The following DDX41 variants were observed in gnomAD, a reference collection of about 807,000 sequenced individuals.
The protein encoded by DDX41 is probable ATP-dependent RNA helicase DDX41.
A neutral mutation model predicts 78.8 loss-of-function variants in DDX41; 50 were observed. The ratio of observed to expected loss-of-function variants is 0.63; its 90% CI spans 0.51 to 0.80. The LOEUF is 0.80. DDX41 is among the 30% of genes least tolerant of loss of function. The pLI, the probability that DDX41 is intolerant of heterozygous loss-of-function variation, is 0.00. For missense variants in DDX41, 633 were observed against 849.2 expected, an observed-to-expected ratio of 0.75 and a Z score of 3.16; for synonymous variants, 381 against 321.5, an observed-to-expected ratio of 1.19 and a Z score of -1.98.
In DDX41 at chr5:177,516,720, C is replaced by T. The variant is rs187714514; in HGVS notation, c.138+5G>A. On this transcript the variant is annotated splice_donor_5th_base_variant and intron_variant, in intron 2 of 16. Coordinates refer to ENST00000330503, the MANE Select transcript of DDX41 (RefSeq NM_016222.4). Reference sequence around the variant, plus strand: ...CCCATCCCTCCCCGGACGCGTGCCCCTCACCAGTAGCTGCCGGCGCTGCCG... The same window carrying T: ...CCCATCCCTCCCCGGACGCGTGCCCTTCACCAGTAGCTGCCGGCGCTGCCG... 4.3e-5 allele frequency: 68 copies of T among 1,592,108 alleles called. No individual in the cohort carries two copies. In the African/African-American group the frequency reaches 7.4e-4, roughly 17 times the overall value.
intron 6 of DDX41, 71 bp downstream of exon 6, chr5:177,515,614 T>C: frequency 6.3e-7 from 1 of 1,575,728 alleles, no homozygotes; most frequent in Non-Finnish European, 8.7e-7. Flanking sequence ...CTGAGCTCAG[T>C]GGGAGCCAGG....
In DDX41 at chr5:177,513,496, G is replaced by T. The variant is rs200279634; in HGVS notation, c.1099-12C>A. 30 of 1,614,068 alleles carry T rather than the reference G, an allele frequency of 1.9e-5. No homozygotes were observed. The highest frequency in any genetic ancestry group is 3.3e-4 in the Middle Eastern group (2 of 6,060). ...GTCTGTCGCTGGCCCTGAGGAAGAGGGGGGCTGCGACCAAGGGCACACAGG... is the reference window on the plus strand; with the variant it reads ...GTCTGTCGCTGGCCCTGAGGAAGAGTGGGGCTGCGACCAAGGGCACACAGG... On this transcript the variant is annotated splice_polypyrimidine_tract_variant and intron_variant, in intron 10 of 16. Transcript: ENST00000330503. This position sits in a 1 kb window ranked among gnomAD's most constrained non-coding sequence, Gnocchi z 4.6.
At chr5:177,515,384 G>T in intron 6 of DDX41, 126 bp from the exon 7 acceptor site, 1 of 1,012,302 alleles carries the variant, frequency 9.9e-7, no homozygotes, top group Non-Finnish European at 1.5e-6. Context: ...GAGAGAGAGA[G>T]AGAGTGGAAA....
chr5:177,515,363 T>G, intron 6 of DDX41, 105 bp from the exon 7 acceptor site: 1 of 1,161,708 alleles, frequency 8.6e-7, no homozygotes, highest in Non-Finnish European at 1.3e-6. Flanking sequence ...ATGATGAAAC[T>G]GAGGCTCAGA....
chr5:177,515,113 G>T, intron 7 of DDX41, 44 bp from the exon 8 acceptor site: 1 of 1,612,284 alleles, frequency 6.2e-7, no homozygotes, highest in South Asian at 1.1e-5. Context: ...AACAGAAGAT[G>T]AAGGACACCT....
chr5:177,514,774 T>C lies in DDX41; in HGVS notation c.862A>G (p.Ser288Gly), dbSNP rs759290290. 2 of 1,612,944 alleles carry C rather than the reference T, an allele frequency of 1.2e-6. No homozygotes were observed. The highest frequency in any genetic ancestry group is 1.1e-5 in the South Asian group (1 of 91,090). ...AGGGCGCAGCGCAGGAGTGGTGAGCTGTCCTCCTGCAGCAGGCGGCAGTAG... is the reference window on the plus strand; with the variant it reads ...AGGGCGCAGCGCAGGAGTGGTGAGCCGTCCTCCTGCAGCAGGCGGCAGTAG... ...EYYCRLLQED[S>G]SPLLRCALCI... Residue 288 changes from serine to glycine, a missense_variant, in exon 9 of 17, where the codon AGC becomes GGC. Around this residue, in one of 6 missense-constraint regions of DDX41, gnomAD observed 151 missense variants for 169.2 expected, o/e 0.89. Transcript: ENST00000330503. The surrounding 1 kb of genome is among the most constrained non-coding windows in gnomAD (Gnocchi z 4.2).
At position 177,515,769 on chromosome 5, in the gene DDX41, C is replaced by T. The variant is rs773515517; in HGVS notation, c.487G>A (p.Val163Met). The T allele has an allele frequency of 2.0e-5, 32 of 1,614,080 alleles. No individual in the cohort carries two copies. The highest frequency in any genetic ancestry group is 8.9e-5 in the East Asian group (4 of 44,906). ...LSMSEERHER[V>M]RKKYHILVEG... is the part of the protein sequence containing the mutation. ...ACCAGGATGTGGTATTTCTTCCGCA[C>T]GCGCTCATGTCGCTCTTCAGACATG... The change falls in exon 6 of 17, where the codon GTG becomes ATG. Residue 163 changes from valine (V) to methionine (M), a missense_variant. Around this residue, in one of 6 missense-constraint regions of DDX41, gnomAD observed 126 missense variants for 115.5 expected, o/e 1.09. Transcript: ENST00000330503.
At chr5:177,515,902 G>C in intron 5 of DDX41, 27 bp downstream of exon 5, 3 of 1,614,168 alleles carry the variant, frequency 1.9e-6, no homozygotes, top group Non-Finnish European at 8.5e-7. Context: ...TCCTAAGCAA[G>C]GGCAACTGCA....
In DDX41 at chr5:177,513,075, T is replaced by G; in HGVS notation, c.1238A>C (p.Glu413Ala). ...CATCTTGGCCTCCTCCTTCACATAT[T>G]CTACCTCCTGCCACCACAAAGATCA... ...AASLDVIQEV[E>A]YVKEEAKMVY... is the part of the protein sequence containing the mutation. The change falls in exon 12 of 17, where the codon GAA (glutamate) becomes GCA (alanine). Residue 413 changes from glutamate (E) to alanine (A), a missense_variant. Coordinates refer to ENST00000330503, the MANE Select transcript of DDX41 (RefSeq NM_016222.4). The surrounding 1 kb of genome is among the most constrained non-coding windows in gnomAD (Gnocchi z 4.6). 6.2e-7 allele frequency: 1 copy of G among 1,613,734 alleles called. No individual in the cohort carries two copies. The highest frequency in any genetic ancestry group is 1.3e-5 in the African/African-American group (1 of 75,026).
intron 6 of DDX41, 107 bp downstream of exon 6, chr5:177,515,578 A>C: frequency 7.2e-7 from 1 of 1,383,180 alleles, no homozygotes; most frequent in Non-Finnish European, 1.0e-6. Context: ...CTCCAGCCCC[A>C]GTGACTGGAT....
Position 177,516,112 on chromosome 5 carries a change from A to G in DDX41, c.373+7T>C. 6.2e-7 allele frequency: 1 copy of G among 1,613,964 alleles called. No homozygotes were observed. The highest frequency in any genetic ancestry group is 8.5e-7 in the Non-Finnish European group (1 of 1,180,012). On this transcript the variant is annotated splice_region_variant and intron_variant, in intron 4 of 16. Transcript: ENST00000330503. ...CCACCTTCTCACTATCCTGGCTACAACCATACCTCGGCCCTCGGCAACACT... is the reference window on the plus strand; with the variant it reads ...CCACCTTCTCACTATCCTGGCTACAGCCATACCTCGGCCCTCGGCAACACT...
intron 2 of DDX41, 108 bp from the exon 3 acceptor site, chr5:177,516,555 C>G: frequency 6.8e-7 from 1 of 1,461,300 alleles, no homozygotes; most frequent in East Asian, 2.4e-5. Context: ...CGCAAAGCTG[C>G]CCTACCCCTC....
chr5:177,514,912 T>C lies in DDX41; in HGVS notation c.798+4A>G, dbSNP rs1761151769. ...GGCCTGCCCTCCAGGCCAGCCTATCTTACCGAGGGGCAGATGATGAGTCCA... is the reference window on the plus strand; with the variant it reads ...GGCCTGCCCTCCAGGCCAGCCTATCCTACCGAGGGGCAGATGATGAGTCCA... On this transcript the variant is annotated splice_donor_region_variant and intron_variant, in intron 8 of 16. Coordinates refer to ENST00000330503, the MANE Select transcript of DDX41 (RefSeq NM_016222.4). The surrounding 1 kb of genome is among the most constrained non-coding windows in gnomAD (Gnocchi z 4.2). 6.2e-7 allele frequency: 1 copy of C among 1,603,436 alleles called. No homozygotes were observed.
chr5:177,515,839 G>A lies in DDX41; in HGVS notation c.435-18C>T. 1.2e-6 allele frequency: 2 copies of A among 1,614,142 alleles called. No individual in the cohort carries two copies. The highest frequency in any genetic ancestry group is 1.7e-6 in the Non-Finnish European group (2 of 1,180,018). On this transcript the variant is annotated intron_variant, in intron 5 of 16. Coordinates refer to ENST00000330503, the MANE Select transcript of DDX41 (RefSeq NM_016222.4). ...GAGTCCAGCTGTGGATGGGTAACAG[G>A]GATCAAGAGAGCCCTGGGAATAGCT...
At position 177,513,169 on chromosome 5, in the gene DDX41, G is replaced by A; in HGVS notation, c.1231-87C>T. 3 of 1,532,498 alleles carry A rather than the reference G, an allele frequency of 2.0e-6. No individual in the cohort carries two copies. The highest frequency in any genetic ancestry group is 2.7e-6 in the Non-Finnish European group (3 of 1,121,924). 94.9% of individuals were successfully genotyped at this position (1,532,498 alleles called of 1,614,324 possible). A position where few individuals can be genotyped will look rare whatever the true frequency, so the allele number is the denominator to read the frequency against. ...CATGGCCCGTCATCTGGACCAGGAGGTGACCAGAAGCCTCTGGCCGCCAAG... is the reference window on the plus strand; with the variant it reads ...CATGGCCCGTCATCTGGACCAGGAGATGACCAGAAGCCTCTGGCCGCCAAG... On this transcript the variant is annotated intron_variant, in intron 11 of 16. Coordinates refer to ENST00000330503, the MANE Select transcript of DDX41 (RefSeq NM_016222.4). The surrounding 1 kb of genome is among the most constrained non-coding windows in gnomAD (Gnocchi z 4.6).
intron 14 of DDX41, 35 bp downstream of exon 14, chr5:177,512,461 G>C: frequency 1.2e-6 from 2 of 1,613,930 alleles, no homozygotes; most frequent in Non-Finnish European, 1.7e-6. Context: ...GCCCTTTTCC[G>C]GCCTAACCCA....
Position 177,514,221 on chromosome 5 carries a change from G to T in DDX41, c.936-374C>A, listed in dbSNP as rs1331574243. 4 of 494,162 alleles carry T rather than the reference G, an allele frequency of 8.1e-6. No homozygotes were observed. Among genetic ancestry groups the T allele is most frequent in the Non-Finnish European group, 1.6e-5 (4 of 252,568 alleles). The allele number at this position is 494,162 out of a possible 1,614,324, so 30.6% of individuals were successfully genotyped here. ...CGTGGAGGAAGGCCTCCGGGATGGG[G>T]TCTGGCCCATCTGTGAACAGAGGGC... On this transcript the variant is annotated intron_variant, in intron 9 of 16. Transcript: ENST00000330503. The surrounding 1 kb of genome is among the most constrained non-coding windows in gnomAD (Gnocchi z 4.2).
At position 177,516,418 on chromosome 5, in the gene DDX41, C is replaced by T; in HGVS notation, c.168G>A (p.Lys56=). 2 of 1,613,876 alleles carry T rather than the reference C, an allele frequency of 1.2e-6. No individual in the cohort carries two copies. The highest frequency in any genetic ancestry group is 1.7e-6 in the Non-Finnish European group (2 of 1,180,040). ...CCTGCTGCTCTTCCTCCGCAGCTCCCTTGCGTCTTCGCTGCAGCAGCTTCT... is the reference window on the plus strand; with the variant it reads ...CCTGCTGCTCTTCCTCCGCAGCTCCTTTGCGTCTTCGCTGCAGCAGCTTCT... ...LLQKLLQRRR[K]GAAEEEQQDS... The change falls in exon 3 of 17, where the codon AAG becomes AAA. Residue 56 remains lysine, a synonymous_variant. Coordinates refer to ENST00000330503, the MANE Select transcript of DDX41 (RefSeq NM_016222.4).
At chr5:177,516,668 C>T (rs1761248995) in intron 2 of DDX41, 57 bp downstream of exon 2, 7 of 1,526,538 alleles carry the variant, frequency 4.6e-6, no homozygotes, top group African/African-American at 2.8e-5. Flanking sequence ...AGGCCACGCC[C>T]GCCCCCTGCG....
Sources: allele counts gnomAD v4.1 joint callset, GRCh38; gene constraint gnomAD v4.1.1; regional missense constraint gnomAD v4.1.1; non-coding constraint Gnocchi (gnomAD v3.1); transcripts MANE v1.5; gene names NCBI Gene and HGNC (gene_info 2026-07-23, HGNC 2026-07-21).